OTOGL: variants seen among roughly 807,000 people sequenced by gnomAD.
OTOGL encodes the protein otogelin-like protein.
OTOGL carries 285 observed loss-of-function variants against 318.5 expected under a neutral mutation model. That is an observed-to-expected ratio of 0.89 (90% confidence interval 0.81 to 0.99). OTOGL has a LOEUF of 0.99. OTOGL is among the 50% of genes least tolerant of loss of function. The probability of loss-of-function intolerance (pLI) is 0.00; values close to 1 mark genes in which losing one functional copy is unlikely to be tolerated. For missense variants in OTOGL, 2,899 were observed against 2,845.6 expected, an observed-to-expected ratio of 1.02 and a Z score of -0.43; for synonymous variants, 987 against 936.5, an observed-to-expected ratio of 1.05 and a Z score of -0.99.
chr12:80,172,046 T>C (rs1874236978), intron 1 of OTOGL, among the ~76,000 whole-genome samples: 1 of 152,184 alleles, frequency 6.6e-6, no homozygotes, highest in Non-Finnish European at 1.5e-5. Context: ...CAAATTTTGA[T>C]ATATTTTATT....
chr12:80,161,436 A>G (rs1480465131), intron 1 of OTOGL, among the ~76,000 whole-genome samples: 1 of 152,140 alleles, frequency 6.6e-6, no homozygotes, highest in Non-Finnish European at 1.5e-5. Context: ...AACTTAAATG[A>G]CATTGTGCTA....
At chr12:80,200,538 C>T (rs117222148) in intron 1 of OTOGL, among the ~76,000 whole-genome samples, 2,342 of 152,298 alleles carry the variant, frequency 0.015, 25 homozygotes, top group Non-Finnish European at 0.025. Flanking sequence ...GAGCCCTTGG[C>T]TTGTGAACTT....
At chr12:80,346,176 CATT>C (rs1889185733) in intron 44 of OTOGL, among the ~76,000 whole-genome samples, 1 of 152,060 alleles carries the variant, frequency 6.6e-6, no homozygotes, top group Non-Finnish European at 1.5e-5. Context: ...AGTCTTAAGA[CATT>C]ATTTTTATTT....
intron 1 of OTOGL, among the ~76,000 whole-genome samples, chr12:80,202,563 G>A (rs1035132461): frequency 2.0e-5 from 3 of 152,134 alleles, no homozygotes; most frequent in African/African-American, 4.8e-5. Context: ...CTGAGCCACC[G>A]CGCCCAGCCT....
chr12:80,173,533 C>G (rs1592517827), intron 1 of OTOGL, among the ~76,000 whole-genome samples: 1 of 152,116 alleles, frequency 6.6e-6, no homozygotes, highest in East Asian at 1.9e-4. Flanking sequence ...TCATCGCCAT[C>G]TTGGTTTTGG....
intron 43 of OTOGL, among the ~76,000 whole-genome samples, chr12:80,340,735 C>G (rs1356086655): frequency 6.6e-6 from 1 of 152,140 alleles, no homozygotes; most frequent in African/African-American, 2.4e-5. Flanking sequence ...TGAAAAGCTT[C>G]TAGTGAGTAA....
At chr12:80,309,434 G>A (rs548085416) in intron 29 of OTOGL, among the ~76,000 whole-genome samples, 78 of 152,280 alleles carry the variant, frequency 5.1e-4, no homozygotes, top group African/African-American at 1.7e-3. Context: ...AAAGGAGGGA[G>A]CAGCCACCTA....
chr12:80,201,356 A>G (rs1010660857), intron 1 of OTOGL, among the ~76,000 whole-genome samples: 3 of 152,100 alleles, frequency 2.0e-5, no homozygotes, highest in Non-Finnish European at 2.9e-5. Context: ...GAAGCTTCCA[A>G]TCATGGTGGA....
At chr12:80,254,421 C>A in intron 14 of OTOGL, 103 bp from the exon 15 acceptor site, 4 of 694,522 alleles carry the variant, frequency 5.8e-6, no homozygotes, top group South Asian at 2.8e-5. Context: ...TTATTCTGAA[C>A]CTATAAACAT....
chr12:80,211,476 C>T (rs961600190), intron 3 of OTOGL, among the ~76,000 whole-genome samples: 2 of 151,902 alleles, frequency 1.3e-5, no homozygotes, highest in African/African-American at 4.8e-5. Context: ...AATTATTAGC[C>T]ATTTGATTTT....
chr12:80,323,227 T>C (rs1360556110), intron 34 of OTOGL, among the ~76,000 whole-genome samples: 2 of 152,136 alleles, frequency 1.3e-5, no homozygotes, highest in Admixed American at 1.3e-4. Context: ...GGTGTACATG[T>C]AGATATTTAA....
chr12:80,157,027 T>C (rs1459288814), intron 1 of OTOGL, among the ~76,000 whole-genome samples: 3 of 152,138 alleles, frequency 2.0e-5, no homozygotes, highest in Non-Finnish European at 4.4e-5. Flanking sequence ...CTGTTCTCCA[T>C]AGTGGTTGTA....
chr12:80,200,940 G>T (rs139003002), intron 1 of OTOGL, among the ~76,000 whole-genome samples: 1 of 152,114 alleles, frequency 6.6e-6, no homozygotes, highest in Non-Finnish European at 1.5e-5. Flanking sequence ...AATGGAGGAC[G>T]CCTACACCAA....
At chr12:80,257,640 AATAGGAGGGAAAAAAGGCAGCC>A (rs1339130561) in intron 17 of OTOGL, among the ~76,000 whole-genome samples, 163 bp from the exon 18 acceptor site, 2 of 151,986 alleles carry the variant, frequency 1.3e-5, no homozygotes, top group African/African-American at 4.8e-5. Context: ...AAAGGAGAGG[AATAGGAGGGAAAAAAGGCAGCC>A]ATAGGTGGCA....
intron 9 of OTOGL, among the ~76,000 whole-genome samples, chr12:80,235,290 C>T (rs1362664086): frequency 6.6e-6 from 1 of 151,570 alleles, no homozygotes; most frequent in Non-Finnish European, 1.5e-5. Context: ...CATGGTGAAA[C>T]CCTGTCTCTA....
chr12:80,314,596 A>ATGGG, intron 32 of OTOGL, among the ~76,000 whole-genome samples: 1 of 152,268 alleles, frequency 6.6e-6, no homozygotes, highest in East Asian at 1.9e-4. Context: ...ACATGAATGA[A>ATGGG]TGGGTGGGTG....
chr12:80,221,023 C>T (rs781709134), intron 6 of OTOGL, among the ~76,000 whole-genome samples: 1 of 152,026 alleles, frequency 6.6e-6, no homozygotes, highest in Non-Finnish European at 1.5e-5. Context: ...TCACCCTTAC[C>T]TTTATGCCCC....
intron 52 of OTOGL, 62 bp from the exon 53 acceptor site, chr12:80,366,512 T>TATATATATATATATATAG (rs1890546120): frequency 9.3e-6 from 1 of 107,184 alleles, no homozygotes. Flanking sequence ...ATATATAGGT[T>TATATATATATATATATAG]ATATATATAT....
At chr12:80,149,075 A>T (rs1790104669) in intron 1 of OTOGL, among the ~76,000 whole-genome samples, 1 of 152,168 alleles carries the variant, frequency 6.6e-6, no homozygotes, top group African/African-American at 2.4e-5. Context: ...TTCTCCGTCC[A>T]GCTTTGTTCC....
Sources: allele counts gnomAD v4.1 joint callset (sites outside exome capture counted in the v4.1 genomes callset), GRCh38; gene constraint gnomAD v4.1.1; transcripts MANE v1.5; gene names NCBI Gene and HGNC (gene_info 2026-07-23, HGNC 2026-07-21).